The following CDC42 variants were observed in gnomAD, a reference collection of about 807,000 sequenced individuals.
CDC42 encodes the protein cell division control protein 42 homolog.
Under a neutral mutation model 20.8 loss-of-function variants are expected in CDC42, and 1 was observed. That is an observed-to-expected ratio of 0.05 (90% confidence interval 0.02 to 0.23). CDC42 has a LOEUF of 0.23. Ranked by LOEUF, CDC42 falls within the 10% of genes least tolerant of loss-of-function variation. The probability of loss-of-function intolerance (pLI) is 1.00; values close to 1 mark genes in which losing one functional copy is unlikely to be tolerated. For missense variants in CDC42, 49 were observed against 227.9 expected, an observed-to-expected ratio of 0.21 and a Z score of 5.05; for synonymous variants, 72 against 84.8, an observed-to-expected ratio of 0.85 and a Z score of 0.83.
chr1:22,071,601 G>T (rs1401455568), intron 1 of CDC42, among the ~76,000 whole-genome samples: 1 of 152,186 alleles, frequency 6.6e-6, no homozygotes, highest in Non-Finnish European at 1.5e-5. Flanking sequence ...TATATAAGCT[G>T]CATTTTCCAA....
intron 1 of CDC42, among the ~76,000 whole-genome samples, chr1:22,065,174 G>C (rs1052556937): frequency 1.3e-5 from 2 of 152,176 alleles, no homozygotes; most frequent in Admixed American, 6.5e-5. Context: ...GAGCTTTAGG[G>C]CTGCTTGATT....
At chr1:22,090,465 G>A in intron 5 of CDC42, 1 of 991,970 alleles carries the variant, frequency 1.0e-6, no homozygotes, top group Non-Finnish European at 1.2e-6. Flanking sequence ...GAAAAGGGGT[G>A]ACCTAGTAGA....
At chr1:22,073,667 A>G (rs115594615) in intron 1 of CDC42, among the ~76,000 whole-genome samples, 1 of 152,060 alleles carries the variant, frequency 6.6e-6, no homozygotes, top group African/African-American at 2.4e-5. Flanking sequence ...GAATCATTTT[A>G]AAAAAAATAT....
At chr1:22,080,042 G>C (rs1290023870) in intron 2 of CDC42, among the ~76,000 whole-genome samples, 4 of 152,162 alleles carry the variant, frequency 2.6e-5, no homozygotes, top group African/African-American at 9.7e-5. Flanking sequence ...GGTGTAGAAT[G>C]CATTTAAGTT....
At chr1:22,066,785 C>A (rs944957139) in intron 1 of CDC42, among the ~76,000 whole-genome samples, 1 of 152,002 alleles carries the variant, frequency 6.6e-6, no homozygotes, top group African/African-American at 2.4e-5. Flanking sequence ...AAGGCATGGC[C>A]GGGTGCAGTG....
rs71016987 is a variant in CDC42, at chr1:22,091,793, G to GT, written c.*296dup. 2,567 of 90,220 alleles carry GT rather than the reference G, an allele frequency of 0.028. 54 individuals are homozygous for GT. The highest frequency in any genetic ancestry group is 0.054 in the African/African-American group (1,207 of 22,518). The allele number at this position is 90,220 out of a possible 1,614,324, so 5.6% of individuals were successfully genotyped here. On this transcript the variant is annotated 3_prime_UTR_variant, in exon 6 of 6. Coordinates refer to ENST00000656825, the MANE Select transcript of CDC42 (RefSeq NM_001791.4). Reference sequence around the variant, plus strand: ...AAAAAAAAAATTTTTGTGTGTGTGTGTTTTTTTTTTTTTTTTTTTTGTTGT... The same window carrying GT: ...AAAAAAAAAATTTTTGTGTGTGTGTGTTTTTTTTTTTTTTTTTTTTTGTTGT...
At chr1:22,062,708 A>G (rs1275680491) in intron 1 of CDC42, among the ~76,000 whole-genome samples, 2 of 126,878 alleles carry the variant, frequency 1.6e-5, no homozygotes, top group Non-Finnish European at 3.1e-5. Flanking sequence ...CCTGGTCAAC[A>G]TAGTGAGACC....
intron 1 of CDC42, among the ~76,000 whole-genome samples, chr1:22,072,089 AC>A (rs1557899024): frequency 1.0e-5 from 1 of 96,638 alleles, no homozygotes; most frequent in Admixed American, 1.3e-4. Flanking sequence ...CGTTTTACTT[AC>A]CTTTTTTTTT....
At chr1:22,090,090 C>G in intron 5 of CDC42, 3 of 1,583,546 alleles carry the variant, frequency 1.9e-6, no homozygotes, top group Non-Finnish European at 2.6e-6. Context: ...GTAGAAAGAT[C>G]GTTTAAAAAC....
In CDC42 at chr1:22,090,713, T is replaced by G. The variant is rs566402149; in HGVS notation, c.487-715T>G. ...TGCTGAGATGTAAAGCTGCCACCTT[T>G]ATATTTTCCTGCTTCTGATTTTATT... On this transcript the variant is annotated intron_variant, in intron 5 of 5. Coordinates refer to ENST00000656825, the MANE Select transcript of CDC42 (RefSeq NM_001791.4). 1.7e-5 allele frequency: 17 copies of G among 985,344 alleles called. No individual in the cohort carries two copies. The South Asian group carries it at 8.0e-4, about 46-fold the overall frequency. 61.0% of individuals were successfully genotyped at this position (985,344 alleles called of 1,614,324 possible).
At chr1:22,078,744 C>T in intron 2 of CDC42, 161 bp downstream of exon 2, 3 of 1,499,936 alleles carry the variant, frequency 2.0e-6, no homozygotes, top group Non-Finnish European at 2.7e-6. Context: ...ACACTTTAAA[C>T]AGCTGAAAAA....
intron 1 of CDC42, among the ~76,000 whole-genome samples, chr1:22,054,981 T>G: frequency 9.1e-6 from 1 of 109,534 alleles, no homozygotes. Flanking sequence ...TGAGAAGGAG[T>G]CTCGCTCTGT....
chr1:22,086,604 C>A, intron 4 of CDC42, 56 bp downstream of exon 4: 1 of 1,582,870 alleles, frequency 6.3e-7, no homozygotes, highest in South Asian at 1.1e-5. Context: ...TTCTACTGAC[C>A]TGTTATAAAT....
chr1:22,078,411 T>G lies in CDC42; in HGVS notation c.-50-18T>G. 1 of 1,196,450 alleles carries G rather than the reference T, an allele frequency of 8.4e-7. No homozygotes were observed. The highest frequency in any genetic ancestry group is 1.2e-6 in the Non-Finnish European group (1 of 822,320). The allele number at this position is 1,196,450 out of a possible 1,614,324, so 74.1% of individuals were successfully genotyped here. A position where few individuals can be genotyped will look rare whatever the true frequency, so the allele number is the denominator to read the frequency against. The stretch of plus-strand genomic sequence containing the variant: ...ATATGTAAGTATAAATAAACAAATG[T>G]CTTTAATCTTTTTGCAGGTCATCAT... On this transcript the variant is annotated intron_variant, in intron 1 of 5. Coordinates refer to ENST00000656825, the MANE Select transcript of CDC42 (RefSeq NM_001791.4).
intron 2 of CDC42, among the ~76,000 whole-genome samples, chr1:22,079,641 A>G (rs1645588323): frequency 6.6e-6 from 1 of 152,138 alleles, no homozygotes; most frequent in Non-Finnish European, 1.5e-5. Context: ...TCATATTGAT[A>G]TTTTGAATTG....
chr1:22,077,353 T>A (rs1227889032), intron 1 of CDC42, among the ~76,000 whole-genome samples: 1 of 152,138 alleles, frequency 6.6e-6, no homozygotes, highest in Non-Finnish European at 1.5e-5. Context: ...ATAGGTTCAT[T>A]TACAGGGATG....
chr1:22,094,315 T>TTTTTTTTTTTTTTTTA lies in CDC42; in HGVS notation c.*2798_*2799insTTTTTTTTTTTTTTTA. On this transcript the variant is annotated 3_prime_UTR_variant, in exon 6 of 6. Coordinates refer to ENST00000656825, the MANE Select transcript of CDC42 (RefSeq NM_001791.4). ...ATAGATTTTTTTTTTTTTTTTTTTT[T>TTTTTTTTTTTTTTTTA]GAGACGGAGTCTCGCTCTGTCGCCC... Among the ~76,000 whole-genome samples, 1 of 109,078 alleles carries TTTTTTTTTTTTTTTTA rather than the reference T, an allele frequency of 9.2e-6. No homozygotes were observed. Among genetic ancestry groups the TTTTTTTTTTTTTTTTA allele is most frequent in the Non-Finnish European group, 1.8e-5 (1 of 54,110 alleles). The allele number at this position is 109,078 out of a possible 152,430, so 71.6% of individuals were successfully genotyped here.
At chr1:22,076,414 C>T (rs377165948) in intron 1 of CDC42, among the ~76,000 whole-genome samples, 51 of 151,982 alleles carry the variant, frequency 3.4e-4, no homozygotes, top group African/African-American at 1.1e-3. Flanking sequence ...GCAGAGATCA[C>T]GCCACTGCAC....
chr1:22,054,976 A>T (rs1013576671), intron 1 of CDC42, among the ~76,000 whole-genome samples: 3 of 81,258 alleles, frequency 3.7e-5, no homozygotes, highest in Non-Finnish European at 6.5e-5. Context: ...TTTTTTGAGA[A>T]GGAGTCTCGC....
Sources: allele counts gnomAD v4.1 joint callset (sites outside exome capture counted in the v4.1 genomes callset), GRCh38; gene constraint gnomAD v4.1.1; transcripts MANE v1.5; gene names NCBI Gene and HGNC (gene_info 2026-07-23, HGNC 2026-07-21).